Variants in MICAL2 observed in about 807,000 individuals in gnomAD.
MICAL2 encodes the protein [F-actin]-monooxygenase MICAL2.
A neutral mutation model predicts 127.3 loss-of-function variants in MICAL2; 77 were observed. The ratio of observed to expected loss-of-function variants is 0.60; its 90% CI spans 0.50 to 0.73. MICAL2 has a LOEUF of 0.73. Ranked by LOEUF, MICAL2 falls within the 30% of genes least tolerant of loss-of-function variation. The probability of loss-of-function intolerance (pLI) is 0.00; values close to 1 mark genes in which losing one functional copy is unlikely to be tolerated. For synonymous variants in MICAL2, 570 were observed against 551.1 expected (o/e 1.03, Z -0.48); for missense variants, 1,351 against 1,434.4 (o/e 0.94, Z 0.94).
chr11:12,224,785 G>A lies in MICAL2; in HGVS notation c.1653G>A (p.Leu551=). The A allele has an allele frequency of 6.2e-7, 1 of 1,614,048 alleles. No individual in the cohort carries two copies. Among genetic ancestry groups the A allele is most frequent in the Non-Finnish European group, 8.5e-7 (1 of 1,179,902 alleles). The part of the protein sequence containing the change: ...LTTSWRSGLA[L]CAIIHRFRPE... The stretch of plus-strand genomic sequence containing the variant: ...CATCCTGGCGCAGTGGGTTGGCCCT[G>A]TGTGCCATCATCCACCGCTTCCGGC... The change falls in exon 13 of 28, where the codon CTG becomes CTA. Residue 551 remains leucine, a synonymous_variant. Coordinates refer to ENST00000683283, the MANE Select transcript of MICAL2 (RefSeq NM_001282663.2).
chr11:12,318,108 A>G (rs1430167500), intron 29 of MICAL2, among the ~76,000 whole-genome samples: 1 of 152,218 alleles, frequency 6.6e-6, no homozygotes, highest in Non-Finnish European at 1.5e-5. Flanking sequence ...TGCTACCAAC[A>G]ATAAGAACAT....
chr11:12,219,355 C>T (rs542383094), intron 8 of MICAL2, among the ~76,000 whole-genome samples: 10 of 151,892 alleles, frequency 6.6e-5, no homozygotes, highest in Non-Finnish European at 1.0e-4. Flanking sequence ...TTCCAGTCCT[C>T]GCAGCTCAGG....
intron 32 of MICAL2, among the ~76,000 whole-genome samples, chr11:12,342,162 G>A (rs1277636620): frequency 1.3e-5 from 2 of 152,214 alleles, no homozygotes; most frequent in East Asian, 3.8e-4. Context: ...GGAGAACTGG[G>A]CCATTCTATT....
intron 32 of MICAL2, among the ~76,000 whole-genome samples, chr11:12,332,157 C>G (rs750310787): frequency 1.3e-5 from 2 of 152,200 alleles, no homozygotes; most frequent in Non-Finnish European, 2.9e-5. Context: ...CTCTGACACT[C>G]TGCCACAATT....
intron 33 of MICAL2, among the ~76,000 whole-genome samples, chr11:12,353,089 T>A (rs10831801): frequency 0.21 from 31,783 of 152,086 alleles, 3,713 homozygotes; most frequent in East Asian, 0.5. Context: ...TCAGGGTTGA[T>A]AACAAGAAGC....
intron 3 of MICAL2, among the ~76,000 whole-genome samples, chr11:12,171,438 G>T (rs969743224): frequency 1.3e-5 from 2 of 152,116 alleles, no homozygotes; most frequent in Non-Finnish European, 2.9e-5. Flanking sequence ...GTTCTGCTTT[G>T]TTTTTTTCCC....
At chr11:12,151,853 G>C (rs974770833) in intron 2 of MICAL2, among the ~76,000 whole-genome samples, 1 of 152,162 alleles carries the variant, frequency 6.6e-6, no homozygotes, top group Non-Finnish European at 1.5e-5. Flanking sequence ...TGGTGAGCTA[G>C]CTCATCTCCA....
At chr11:12,132,120 C>T (rs1438076961) in intron 1 of MICAL2, among the ~76,000 whole-genome samples, 1 of 152,184 alleles carries the variant, frequency 6.6e-6, no homozygotes, top group Admixed American at 6.5e-5. Context: ...AGGCAACACC[C>T]ATCCTCCTAC....
At chr11:12,145,434 A>G (rs1852796158) in intron 2 of MICAL2, among the ~76,000 whole-genome samples, 2 of 152,222 alleles carry the variant, frequency 1.3e-5, no homozygotes, top group African/African-American at 4.8e-5. Flanking sequence ...ACAAACATCA[A>G]TAGCGACAAT....
At chr11:12,224,914 C>A in intron 13 of MICAL2, 94 bp downstream of exon 13, 1 of 1,426,260 alleles carries the variant, frequency 7.0e-7, no homozygotes, top group South Asian at 1.3e-5. Context: ...CAATATTTCT[C>A]TTTCTGTGTT....
chr11:12,115,978 C>CTT (rs1201204008), intron 1 of MICAL2, among the ~76,000 whole-genome samples: 30 of 134,660 alleles, frequency 2.2e-4, no homozygotes, highest in African/African-American at 3.0e-4. Flanking sequence ...CTTTCCCTTT[C>CTT]TTTTTTTTTT....
At chr11:12,321,407 G>C (rs6485657) in intron 30 of MICAL2, among the ~76,000 whole-genome samples, 71,586 of 151,986 alleles carry the variant, frequency 0.47, 18,712 homozygotes, top group African/African-American at 0.68. Context: ...ATGAACCTTT[G>C]CACAGGAAAC....
intron 2 of MICAL2, among the ~76,000 whole-genome samples, chr11:12,285,191 T>A (rs2134771418): frequency 6.6e-6 from 1 of 152,190 alleles, no homozygotes; most frequent in East Asian, 1.9e-4. Flanking sequence ...GAGTGGGGGC[T>A]AAAAGACCAG....
chr11:12,343,205 C>T (rs983650691), intron 32 of MICAL2, among the ~76,000 whole-genome samples: 6 of 151,902 alleles, frequency 3.9e-5, no homozygotes, highest in African/African-American at 1.5e-4. Context: ...GTCAGGAGTT[C>T]GAGACCAGCC....
At chr11:12,235,552 C>T (rs905267723) in intron 15 of MICAL2, among the ~76,000 whole-genome samples, 1 of 152,220 alleles carries the variant, frequency 6.6e-6, no homozygotes, top group Admixed American at 6.5e-5. Context: ...CGCTAGTCAT[C>T]AGGCTATAGT....
At chr11:12,352,819 A>T (rs1262247153) in intron 33 of MICAL2, among the ~76,000 whole-genome samples, 1 of 152,214 alleles carries the variant, frequency 6.6e-6, no homozygotes, top group Non-Finnish European at 1.5e-5. Flanking sequence ...AGAATTGGGC[A>T]GGAGGAGCCC....
At position 12,348,153 on chromosome 11, in the gene MICAL2, C is replaced by CAAAAAAA. The variant is rs57602704; in HGVS notation, c.5516-1670_5516-1664dup. ...TGGGCAACAGAGAAAGACTCTGTCTCAAAAAAAAAAAAAAAAAAAAAGGCA... is the reference window on the plus strand; with the variant it reads ...TGGGCAACAGAGAAAGACTCTGTCTCAAAAAAAAAAAAAAAAAAAAAAAAAAAAGGCA... On this transcript the variant is annotated intron_variant, in intron 32 of 34. Coordinates refer to the MICAL2 transcript ENST00000646065. 2.5e-3 allele frequency among the ~76,000 whole-genome samples: 196 copies of CAAAAAAA among 79,122 alleles called. 5 individuals are homozygous for CAAAAAAA. The highest frequency in any genetic ancestry group is 9.6e-3 in the Middle Eastern group (1 of 104). 51.9% of individuals were successfully genotyped at this position (79,122 alleles called of 152,430 possible). A position where few individuals can be genotyped will look rare whatever the true frequency, so the allele number is the denominator to read the frequency against.
intron 30 of MICAL2, chr11:12,323,920 T>G (rs1864327768): frequency 1.3e-6 from 2 of 1,555,474 alleles, no homozygotes; most frequent in Admixed American, 3.9e-5. Context: ...AACGATATTT[T>G]GTAAATTTCA....
chr11:12,162,111 C>A lies in MICAL2; in HGVS notation c.-45C>A. ...GTTTCTCCAGATACTTCATGCTGTTCACCTGTGTCCTCGCCGCACCACTGC... is the reference window on the plus strand; with the variant it reads ...GTTTCTCCAGATACTTCATGCTGTTAACCTGTGTCCTCGCCGCACCACTGC... On this transcript the variant is annotated 5_prime_UTR_variant, in exon 3 of 28. Coordinates refer to ENST00000683283, the MANE Select transcript of MICAL2 (RefSeq NM_001282663.2). 2 of 1,611,250 alleles carry A rather than the reference C, an allele frequency of 1.2e-6. No individual in the cohort carries two copies. Among genetic ancestry groups the A allele is most frequent in the South Asian group, 1.1e-5 (1 of 90,714 alleles).
Sources: gnomAD v4.1 joint callset for allele counts (sites outside exome capture counted in the v4.1 genomes callset) on GRCh38, gnomAD v4.1.1 for gene constraint, MANE v1.5 for transcripts, NCBI Gene and HGNC (gene_info 2026-07-23, HGNC 2026-07-21) for gene names.